VPS35L: variants seen among roughly 807,000 people sequenced by gnomAD.
VPS35L encodes VPS35 endosomal protein sorting factor like, also known as VPS35 endosomal protein-sorting factor-like.
VPS35L carries 83 observed loss-of-function variants against 133.0 expected under a neutral mutation model. That is an observed-to-expected ratio of 0.62 (90% confidence interval 0.52 to 0.75). The LOEUF is 0.75. Ranked by LOEUF, VPS35L falls within the 30% of genes least tolerant of loss-of-function variation. The pLI, the probability that VPS35L is intolerant of heterozygous loss-of-function variation, is 0.00. For missense variants in VPS35L, 1,083 were observed against 1,206.8 expected, an observed-to-expected ratio of 0.90 and a Z score of 1.52; for synonymous variants, 423 against 449.9, an observed-to-expected ratio of 0.94 and a Z score of 0.76.
chr16:19,567,912 G>A (rs1233504032), intron 2 of VPS35L, among the ~76,000 whole-genome samples: 1 of 151,402 alleles, frequency 6.6e-6, no homozygotes, highest in Non-Finnish European at 1.5e-5. Flanking sequence ...CGAGGGTACA[G>A]TGAACCGTGA....
chr16:19,642,829 A>G (rs1973827662), intron 22 of VPS35L, among the ~76,000 whole-genome samples: 1 of 152,192 alleles, frequency 6.6e-6, no homozygotes, highest in South Asian at 2.1e-4. Flanking sequence ...TTTCATCTCT[A>G]TATTAGCCAA....
chr16:19,571,493 C>T (rs1971383411), intron 3 of VPS35L, among the ~76,000 whole-genome samples: 2 of 152,126 alleles, frequency 1.3e-5, no homozygotes, highest in South Asian at 2.1e-4. Context: ...GCTGGGATTA[C>T]AGGCCTGAGC....
chr16:19,643,131 C>T (rs796172112), intron 22 of VPS35L, among the ~76,000 whole-genome samples: 27 of 152,266 alleles, frequency 1.8e-4, no homozygotes, highest in African/African-American at 2.9e-4. Context: ...TTTGTTTTCT[C>T]TGCATTTTAG....
chr16:19,603,588 G>C (rs189940676), intron 9 of VPS35L, among the ~76,000 whole-genome samples: 1 of 152,258 alleles, frequency 6.6e-6, no homozygotes, highest in Non-Finnish European at 1.5e-5. Flanking sequence ...CACCTGTGAC[G>C]ATGTTTTTTC....
chr16:19,573,211 C>A lies in VPS35L; in HGVS notation c.378C>A (p.Ala126=). The change falls in exon 4 of 31, where the codon GCC becomes GCA. Residue 126 remains alanine, a synonymous_variant. Coordinates refer to ENST00000417362, the MANE Select transcript of VPS35L (RefSeq NM_020314.7). ...PWTNKRGEIL[A]RYTTTEKLSI... is the part of the protein sequence containing the mutation. ...CCAACAAACGGGGAGAAATCCTTGCCCGGTACACCACTACCGAAAAGCTGT... is the reference window on the plus strand; with the variant it reads ...CCAACAAACGGGGAGAAATCCTTGCACGGTACACCACTACCGAAAAGCTGT... 6.2e-7 allele frequency: 1 copy of A among 1,613,916 alleles called. No individual in the cohort carries two copies. Among genetic ancestry groups the A allele is most frequent in the Non-Finnish European group, 8.5e-7 (1 of 1,179,894 alleles).
intron 1 of VPS35L, among the ~76,000 whole-genome samples, chr16:19,559,999 G>A (rs899985378): frequency 2.0e-5 from 3 of 152,004 alleles, no homozygotes; most frequent in Non-Finnish European, 4.4e-5. Context: ...CACTGCGCCC[G>A]GCCCAGAAGC....
chr16:19,571,352 G>A (rs1029897465), intron 3 of VPS35L, among the ~76,000 whole-genome samples: 6 of 151,934 alleles, frequency 3.9e-5, no homozygotes, highest in African/African-American at 1.2e-4. Context: ...GAGCAGCTGG[G>A]ACTTCAGGTG....
chr16:19,621,390 A>G (rs1166443226), intron 14 of VPS35L, among the ~76,000 whole-genome samples: 1 of 152,220 alleles, frequency 6.6e-6, no homozygotes, highest in Non-Finnish European at 1.5e-5. Flanking sequence ...TTGTCTATAA[A>G]GCATTTCTTA....
intron 8 of VPS35L, 129 bp from the exon 9 acceptor site, chr16:19,601,534 TG>T: frequency 1.2e-6 from 1 of 804,098 alleles, no homozygotes. Flanking sequence ...TCCCACCAGG[TG>T]GCAGCATACC....
At chr16:19,651,167 C>G (rs927980798) in intron 25 of VPS35L, among the ~76,000 whole-genome samples, 5 of 152,094 alleles carry the variant, frequency 3.3e-5, no homozygotes, top group Non-Finnish European at 7.3e-5. Context: ...CAGGCGTGAG[C>G]CACCACACCT....
chr16:19,556,393 A>T (rs116729838), intron 1 of VPS35L, among the ~76,000 whole-genome samples: 89 of 152,278 alleles, frequency 5.8e-4, no homozygotes, highest in African/African-American at 2.0e-3. Context: ...TGGAGGATGA[A>T]TAGGAGTCCA....
At chr16:19,681,600 T>A (rs746509271) in intron 27 of VPS35L, among the ~76,000 whole-genome samples, 1 of 152,312 alleles carries the variant, frequency 6.6e-6, no homozygotes, top group Middle Eastern at 3.4e-3. Context: ...GCTGCTTACT[T>A]TTTTACACCC....
chr16:19,679,095 G>A (rs532964386), intron 27 of VPS35L, among the ~76,000 whole-genome samples: 8 of 129,516 alleles, frequency 6.2e-5, no homozygotes, highest in South Asian at 2.6e-4. Flanking sequence ...TAGCAGAACC[G>A]AATAGCCTAG....
chr16:19,631,009 A>G (rs1280401755), intron 18 of VPS35L, among the ~76,000 whole-genome samples: 1 of 152,048 alleles, frequency 6.6e-6, no homozygotes, highest in East Asian at 1.9e-4. Context: ...ACTCTGTCTC[A>G]AAACAAAAAT....
intron 23 of VPS35L, among the ~76,000 whole-genome samples, 167 bp from the exon 24 acceptor site, chr16:19,647,617 G>C (rs1973991165): frequency 6.6e-6 from 1 of 152,122 alleles, no homozygotes; most frequent in South Asian, 2.1e-4. Context: ...GGAAAATTCT[G>C]CTTACACTCT....
chr16:19,698,723 A>G (rs1487561962), intron 29 of VPS35L, among the ~76,000 whole-genome samples: 1 of 152,158 alleles, frequency 6.6e-6, no homozygotes. Flanking sequence ...TGTTGTGCAG[A>G]TGTGGGATCT....
At chr16:19,622,052 C>G (rs1002778045) in intron 14 of VPS35L, among the ~76,000 whole-genome samples, 1 of 151,822 alleles carries the variant, frequency 6.6e-6, no homozygotes, top group Non-Finnish European at 1.5e-5. Context: ...TGTTTTCCTC[C>G]CATCTTACCC....
At chr16:19,571,568 G>A (rs559223306) in intron 3 of VPS35L, among the ~76,000 whole-genome samples, 155 of 150,734 alleles carry the variant, frequency 1.0e-3, no homozygotes, top group Non-Finnish European at 1.4e-3. Flanking sequence ...TTTTTGAGAC[G>A]GAGTCTCATT....
intron 26 of VPS35L, among the ~76,000 whole-genome samples, chr16:19,661,067 T>C (rs9930546): frequency 3.4e-5 from 1 of 29,646 alleles, no homozygotes; most frequent in African/African-American, 5.0e-4. Flanking sequence ...TCTATATTCT[T>C]ATATATATAT....
Sources: gnomAD v4.1 joint callset for allele counts (sites outside exome capture counted in the v4.1 genomes callset) on GRCh38, gnomAD v4.1.1 for gene constraint, MANE v1.5 for transcripts, NCBI Gene and HGNC (gene_info 2026-07-23, HGNC 2026-07-21) for gene names.